The following WDR5 variants were observed in gnomAD, a reference collection of about 807,000 sequenced individuals.
WDR5 encodes the protein WD repeat domain 5, also known as WD repeat-containing protein 5.
For synonymous variants in WDR5, 144 were observed against 161.6 expected, an observed-to-expected ratio of 0.89 and a Z score of 0.83; for missense variants, 187 against 416.9, an observed-to-expected ratio of 0.45 and a Z score of 4.80.
chr9:134,155,166 T>C (rs1473009864), intron 10 of WDR5, among the ~76,000 whole-genome samples, 174 bp from the exon 11 acceptor site: 1 of 152,256 alleles, frequency 6.6e-6, no homozygotes, highest in Admixed American at 6.5e-5. Flanking sequence ...AGACGCCAAG[T>C]CACTGGACTT....
chr9:134,147,874 G>T (rs1305792533), intron 7 of WDR5, among the ~76,000 whole-genome samples: 1 of 150,630 alleles, frequency 6.6e-6, no homozygotes, highest in Non-Finnish European at 1.5e-5. Flanking sequence ...AAAAAAAAAA[G>T]GGTGGGCGCG....
At position 134,156,599 on chromosome 9, in the gene WDR5, G is replaced by T; in HGVS notation, c.904+6G>T. The T allele has an allele frequency of 6.2e-7, 1 of 1,614,100 alleles. No homozygotes were observed. Among genetic ancestry groups the T allele is most frequent in the South Asian group, 1.1e-5 (1 of 91,088 alleles). On this transcript the variant is annotated splice_donor_region_variant and intron_variant, in intron 13 of 13. Coordinates refer to ENST00000358625, the MANE Select transcript of WDR5 (RefSeq NM_017588.3). ...GAAACTACAAGGCCACACAGGTGAG[G>T]GCCTGCGCTCCTGCAGTCACTGGCT...
chr9:134,142,534 G>C, intron 6 of WDR5, 102 bp from the exon 7 acceptor site: 1 of 1,554,114 alleles, frequency 6.4e-7, no homozygotes, highest in Non-Finnish European at 8.9e-7. Flanking sequence ...AGTCCTTTCT[G>C]TGCTGTTTGT....
intron 7 of WDR5, among the ~76,000 whole-genome samples, chr9:134,147,865 A>T (rs1017011449): frequency 1.3e-5 from 2 of 148,890 alleles, no homozygotes; most frequent in South Asian, 4.2e-4. Flanking sequence ...CTTATGAAGA[A>T]AAAAAAAAGG....
intron 7 of WDR5, among the ~76,000 whole-genome samples, chr9:134,145,509 T>G (rs1832147607): frequency 6.6e-6 from 1 of 152,216 alleles, no homozygotes; most frequent in Non-Finnish European, 1.5e-5. Context: ...TATGTGTAAT[T>G]CTCACTTTGA....
At chr9:134,145,096 G>GTTTTTTGTTTTTTTTTTTTTTTT in intron 7 of WDR5, among the ~76,000 whole-genome samples, 1 of 104,718 alleles carries the variant, frequency 9.5e-6, no homozygotes, top group Non-Finnish European at 1.8e-5. Flanking sequence ...GTGGGGCTTT[G>GTTTTTTGTTTTTTTTTTTTTTTT]TTTTTTTTTT....
At chr9:134,149,862 A>G (rs1832407117) in intron 8 of WDR5, among the ~76,000 whole-genome samples, 1 of 152,202 alleles carries the variant, frequency 6.6e-6, no homozygotes, top group African/African-American at 2.4e-5. Flanking sequence ...GTCCAGCCTG[A>G]GCAGTGCCTC....
At chr9:134,153,526 C>T (rs1475864080) in intron 9 of WDR5, among the ~76,000 whole-genome samples, 3 of 152,260 alleles carry the variant, frequency 2.0e-5, no homozygotes, top group Non-Finnish European at 4.4e-5. Flanking sequence ...CCGGCCCTCA[C>T]TGTGACCTCG....
At chr9:134,137,844 G>A (rs1470921230) in intron 1 of WDR5, among the ~76,000 whole-genome samples, 1 of 152,082 alleles carries the variant, frequency 6.6e-6, no homozygotes, top group Non-Finnish European at 1.5e-5. Flanking sequence ...CTGGTTTCAA[G>A]TGATTCTCCT....
chr9:134,137,683 A>AAG (rs1446204409), intron 1 of WDR5, among the ~76,000 whole-genome samples: 1 of 128,398 alleles, frequency 7.8e-6, no homozygotes, highest in Non-Finnish European at 1.7e-5. Context: ...AAAAACAAAA[A>AAG]CAAAAAAAAA....
chr9:134,141,145 G>C (rs971245729), intron 3 of WDR5, among the ~76,000 whole-genome samples: 1 of 152,216 alleles, frequency 6.6e-6, no homozygotes, highest in Non-Finnish European at 1.5e-5. Context: ...GATTAGCCGG[G>C]CATGGTGGCA....
intron 8 of WDR5, among the ~76,000 whole-genome samples, chr9:134,148,593 C>T (rs1832335640): frequency 6.6e-6 from 1 of 152,084 alleles, no homozygotes; most frequent in African/African-American, 2.4e-5. Flanking sequence ...GGAGGGCCTC[C>T]TCCATCAGAC....
intron 8 of WDR5, among the ~76,000 whole-genome samples, chr9:134,151,588 C>T (rs1832490001): frequency 6.6e-6 from 1 of 152,204 alleles, no homozygotes; most frequent in South Asian, 2.1e-4. Context: ...GAAAGAAGCC[C>T]TCTCATTGCT....
At chr9:134,141,105 A>G (rs1025036929) in intron 3 of WDR5, among the ~76,000 whole-genome samples, 1 of 152,116 alleles carries the variant, frequency 6.6e-6, no homozygotes, top group Non-Finnish European at 1.5e-5. Context: ...AATATGGTGA[A>G]ACCCTGTCTC....
intron 11 of WDR5, 95 bp from the exon 12 acceptor site, chr9:134,155,593 TAAGTG>T (rs1471460053): frequency 2.2e-5 from 30 of 1,353,966 alleles, no homozygotes; most frequent in Middle Eastern, 1.9e-4. Context: ...TTTTCAGAAA[TAAGTG>T]AAGTGAGTAG....
intron 1 of WDR5, 63 bp from the exon 2 acceptor site, chr9:134,139,757 G>T: frequency 9.3e-7 from 1 of 1,074,630 alleles, no homozygotes; most frequent in Non-Finnish European, 1.4e-6. Context: ...CCTTTTTCTT[G>T]GAAATCAATT....
intron 9 of WDR5, 132 bp from the exon 10 acceptor site, chr9:134,154,334 T>G (rs1588179615): frequency 1.1e-6 from 1 of 892,566 alleles, no homozygotes; most frequent in Non-Finnish European, 1.8e-6. Context: ...CGAGGGGTGG[T>G]GGTGCTGGCA....
chr9:134,158,967 C>G lies in WDR5; in HGVS notation c.*974C>G, dbSNP rs1200722940. On this transcript the variant is annotated 3_prime_UTR_variant, in exon 14 of 14. Transcript: ENST00000358625. ...TGGCATGGTAAGGCTCCCTGAGTCCCTTACTCCAGGTCAGATGCCAGTGGG... is the reference window on the plus strand; with the variant it reads ...TGGCATGGTAAGGCTCCCTGAGTCCGTTACTCCAGGTCAGATGCCAGTGGG... 1.3e-5 allele frequency: 2 copies of G among 152,238 alleles called. No homozygotes were observed. Among genetic ancestry groups the G allele is most frequent in the African/African-American group, 4.8e-5 (2 of 41,448 alleles). 9.4% of individuals were successfully genotyped at this position (152,238 alleles called of 1,614,324 possible). A position where few individuals can be genotyped will look rare whatever the true frequency, so the allele number is the denominator to read the frequency against.
chr9:134,148,494 A>T, intron 8 of WDR5, 151 bp downstream of exon 8: 2 of 675,838 alleles, frequency 3.0e-6, no homozygotes, highest in East Asian at 2.9e-5. Context: ...CAGACATGTT[A>T]GCAGATAGGC....
Sources: allele counts gnomAD v4.1 joint callset (sites outside exome capture counted in the v4.1 genomes callset), GRCh38; gene constraint gnomAD v4.1.1; transcripts MANE v1.5; gene names NCBI Gene and HGNC (gene_info 2026-07-23, HGNC 2026-07-21).